The following EHBP1 variants were observed in gnomAD, a reference collection of about 807,000 sequenced individuals.
The protein encoded by EHBP1 is EH domain-binding protein 1.
Under a neutral mutation model 144.0 loss-of-function variants are expected in EHBP1, and 55 were observed. The observed-to-expected ratio is 0.38, with a 90% CI of 0.31 to 0.48. The LOEUF is 0.48. EHBP1 is among the 20% of genes least tolerant of loss of function. EHBP1 has a pLI of 0.98. For missense variants in EHBP1, 1,200 were observed against 1,364.2 expected (o/e 0.88, Z 1.90); for synonymous variants, 469 against 472.7 (o/e 0.99, Z 0.10).
chr2:62,963,556 A>T (rs1181275999), intron 14 of EHBP1, among the ~76,000 whole-genome samples: 2 of 152,242 alleles, frequency 1.3e-5, no homozygotes, highest in Non-Finnish European at 2.9e-5. Flanking sequence ...AGTTAAATAG[A>T]TAGCTTCTTA....
At chr2:62,686,803 A>G (rs914259693) in intron 1 of EHBP1, among the ~76,000 whole-genome samples, 7 of 152,264 alleles carry the variant, frequency 4.6e-5, no homozygotes, top group Non-Finnish European at 1.0e-4. Context: ...GGCCAGCTGT[A>G]TTAACAGTGC....
chr2:62,893,346 A>G (rs1323355745), intron 10 of EHBP1, among the ~76,000 whole-genome samples: 1 of 152,118 alleles, frequency 6.6e-6, no homozygotes, highest in African/African-American at 2.4e-5. Context: ...TTTTTTTTAA[A>G]CGGTGTGAGA....
intron 4 of EHBP1, among the ~76,000 whole-genome samples, chr2:62,768,813 AC>A (rs1201913757): frequency 1.3e-5 from 2 of 152,222 alleles, no homozygotes; most frequent in Admixed American, 6.5e-5. Context: ...AAGCTAATCT[AC>A]CACGATCAAG....
intron 1 of EHBP1, among the ~76,000 whole-genome samples, chr2:62,679,364 C>T (rs1478643588): frequency 2.0e-5 from 3 of 152,172 alleles, no homozygotes; most frequent in Non-Finnish European, 2.9e-5. Flanking sequence ...ACCTAAAATC[C>T]GGTCGATTAG....
intron 6 of EHBP1, among the ~76,000 whole-genome samples, chr2:62,829,735 T>C (rs2046660139): frequency 6.8e-6 from 1 of 147,098 alleles, no homozygotes; most frequent in African/African-American, 2.5e-5. Context: ...TTTATAATTA[T>C]TTATATATTT....
At chr2:62,827,459 G>A (rs141999212) in intron 6 of EHBP1, among the ~76,000 whole-genome samples, 216 of 152,302 alleles carry the variant, frequency 1.4e-3, no homozygotes, top group Non-Finnish European at 2.6e-3. Flanking sequence ...CTGGGCAAAA[G>A]CTGTAAGTGA....
intron 19 of EHBP1, among the ~76,000 whole-genome samples, chr2:63,015,165 T>A (rs1002948567): frequency 2.6e-5 from 4 of 152,192 alleles, no homozygotes; most frequent in Admixed American, 1.3e-4. Context: ...TTAAATGTTC[T>A]CTTATCCTGA....
At chr2:62,775,194 T>A (rs568388692) in intron 5 of EHBP1, among the ~76,000 whole-genome samples, 17 of 152,284 alleles carry the variant, frequency 1.1e-4, no homozygotes, top group Admixed American at 7.9e-4. Flanking sequence ...TATTGTAAGG[T>A]ATGGGAAAGT....
chr2:62,881,789 CTGTG>C (rs1481778777), intron 10 of EHBP1: 1 of 152,056 alleles, frequency 6.6e-6, no homozygotes, highest in Non-Finnish European at 1.5e-5. Flanking sequence ...ATGGTGTCTT[CTGTG>C]TGTTGGTCTT....
At chr2:62,784,624 C>T (rs1030936721) in intron 5 of EHBP1, among the ~76,000 whole-genome samples, 1 of 152,160 alleles carries the variant, frequency 6.6e-6, no homozygotes, top group African/African-American at 2.4e-5. Context: ...TAAAAGTTCA[C>T]TCACCAGATA....
intron 19 of EHBP1, among the ~76,000 whole-genome samples, chr2:62,997,427 CATGTGTGTGTGTGTGTGTGTGTGT>C (rs1396708408): frequency 6.4e-5 from 9 of 139,980 alleles, no homozygotes; most frequent in South Asian, 2.4e-4. Context: ...GAAAGGAACT[CATGTGTGTGTGTGTGTGTGTGTGT>C]GTGTGTGTGT....
chr2:62,771,045 A>G (rs1032967759), intron 4 of EHBP1, among the ~76,000 whole-genome samples: 1 of 152,126 alleles, frequency 6.6e-6, no homozygotes, highest in African/African-American at 2.4e-5. Flanking sequence ...AGGAGCAGGA[A>G]GAATAACTAT....
intron 9 of EHBP1, among the ~76,000 whole-genome samples, chr2:62,870,702 C>T (rs1362202429): frequency 6.1e-5 from 7 of 113,932 alleles, no homozygotes; most frequent in Non-Finnish European, 8.3e-5. Context: ...GGCAACAGAG[C>T]GAGACTGCAT....
intron 16 of EHBP1, among the ~76,000 whole-genome samples, chr2:62,992,801 T>G (rs1401737693): frequency 2.0e-5 from 3 of 152,198 alleles, no homozygotes; most frequent in African/African-American, 7.2e-5. Flanking sequence ...ATAACCAGTT[T>G]CAGCATTCAG....
intron 16 of EHBP1, among the ~76,000 whole-genome samples, chr2:62,992,951 G>T (rs2059472673): frequency 6.6e-6 from 1 of 152,190 alleles, no homozygotes; most frequent in African/African-American, 2.4e-5. Context: ...TCCACACACT[G>T]CAGTGGTTCA....
At chr2:62,865,888 T>C (rs888340363) in intron 9 of EHBP1, among the ~76,000 whole-genome samples, 1 of 152,162 alleles carries the variant, frequency 6.6e-6, no homozygotes, top group African/African-American at 2.4e-5. Flanking sequence ...CCAGAATTTG[T>C]AGAAGAGAAG....
Position 62,973,653 on chromosome 2 carries a change from C to A in EHBP1, c.2461-5535C>A, listed in dbSNP as rs144728926. The stretch of plus-strand genomic sequence containing the variant: ...TAGCAGCAGCCATCATCAAACTCAC[C>A]ATTATCAATCCTGTAATTTCTTTTA... On this transcript the variant is annotated intron_variant, in intron 14 of 22. Coordinates refer to ENST00000431489, the MANE Select transcript of EHBP1 (RefSeq NM_001142616.3). Among the ~76,000 whole-genome samples, 419 of 152,264 alleles carry A rather than the reference C, an allele frequency of 2.8e-3. 2 individuals are homozygous for A. Among genetic ancestry groups the A allele is most frequent in the African/African-American group, 9.3e-3 (386 of 41,552 alleles).
intron 5 of EHBP1, among the ~76,000 whole-genome samples, chr2:62,811,001 C>CT (rs1394614644): frequency 6.6e-6 from 1 of 152,100 alleles, no homozygotes; most frequent in African/African-American, 2.4e-5. Context: ...CACCTAAACA[C>CT]TTTAAGTTGT....
upstream of EHBP1, among the ~76,000 whole-genome samples, chr2:62,702,653 G>A (rs142510561): frequency 1.8e-4 from 27 of 152,276 alleles, no homozygotes; most frequent in African/African-American, 6.5e-4. Context: ...TGAATTAATG[G>A]GAGATAAATA....
Sources: allele counts gnomAD v4.1 joint callset (sites outside exome capture counted in the v4.1 genomes callset), GRCh38; gene constraint gnomAD v4.1.1; transcripts MANE v1.5; gene names NCBI Gene and HGNC (gene_info 2026-07-23, HGNC 2026-07-21).